The following WTAP variants were observed in gnomAD, a reference collection of about 807,000 sequenced individuals.
WTAP encodes the protein WT1 associated protein.
In WTAP, 8 loss-of-function variants were observed where a neutral mutation model predicts 50.0. That is an observed-to-expected ratio of 0.16 (90% CI 0.09 to 0.29). The LOEUF is 0.29. Ranked by LOEUF, WTAP falls within the 10% of genes least tolerant of loss-of-function variation. The pLI is 1.00. For synonymous variants in WTAP, 194 were observed against 169.0 expected, an observed-to-expected ratio of 1.15 and a Z score of -1.15; for missense variants, 295 against 470.7, an observed-to-expected ratio of 0.63 and a Z score of 3.45.
chr6:159,728,718 AT>A (rs1448373597), intron 1 of WTAP, among the ~76,000 whole-genome samples: 1 of 152,250 alleles, frequency 6.6e-6, no homozygotes, highest in Non-Finnish European at 1.5e-5. Context: ...GTAGCATCTG[AT>A]TAGCCAAGTC....
At chr6:159,740,040 G>A (rs80112645) in intron 3 of WTAP, among the ~76,000 whole-genome samples, 2,853 of 151,866 alleles carry the variant, frequency 0.019, 104 homozygotes, top group African/African-American at 0.065. Flanking sequence ...TATAATAGAG[G>A]TGAGGTGCTG....
intron 4 of WTAP, 59 bp from the exon 5 acceptor site, chr6:159,743,606 C>G: frequency 6.7e-7 from 1 of 1,486,428 alleles, no homozygotes; most frequent in Middle Eastern, 2.5e-4. Flanking sequence ...TTGTTCTTGA[C>G]AGAGGTATTT....
At chr6:159,727,209 G>A, upstream of WTAP, 2 of 1,253,362 alleles carry the variant, frequency 1.6e-6, no homozygotes, top group Non-Finnish European at 2.1e-6. Context: ...GGGAGCAGCT[G>A]CTCCATTGTG....
At position 159,731,840 on chromosome 6, in the gene WTAP, G is replaced by C. The variant is rs567476333; in HGVS notation, c.-9+4137G>C. 1.2e-3 allele frequency among the ~76,000 whole-genome samples: 182 copies of C among 152,274 alleles called. 4 individuals are homozygous for C. The highest frequency in any genetic ancestry group is 7.7e-3 in the South Asian group (37 of 4,826). ...TTGACAACCTGTTTCAGAATACCAA[G>C]GTTATCAGAACTTTCTTCATGTGTT... On this transcript the variant is annotated intron_variant, in intron 1 of 7. Transcript: ENST00000621533.
chr6:159,741,009 A>G (rs1583084801), intron 3 of WTAP, among the ~76,000 whole-genome samples: 1 of 152,080 alleles, frequency 6.6e-6, no homozygotes, highest in African/African-American at 2.4e-5. Flanking sequence ...TTATGTTGTA[A>G]TATTAATAAC....
chr6:159,730,060 T>C (rs1227854200), intron 1 of WTAP, among the ~76,000 whole-genome samples: 1 of 152,212 alleles, frequency 6.6e-6, no homozygotes, highest in Non-Finnish European at 1.5e-5. Context: ...GAAACTTTTA[T>C]GTAATTTTAA....
intron 1 of WTAP, among the ~76,000 whole-genome samples, chr6:159,735,328 A>C (rs544893995): frequency 1.3e-5 from 2 of 152,250 alleles, no homozygotes; most frequent in South Asian, 4.1e-4. Context: ...TTTGGTAGAG[A>C]CCGAGTTTCA....
intron 1 of WTAP, among the ~76,000 whole-genome samples, chr6:159,733,016 G>A (rs1172822199): frequency 1.3e-4 from 19 of 151,900 alleles, no homozygotes; most frequent in African/African-American, 2.4e-5. Flanking sequence ...CATGTGTCAT[G>A]CTAAAATAGA....
At chr6:159,735,905 G>T (rs930571032) in intron 1 of WTAP, among the ~76,000 whole-genome samples, 1 of 152,046 alleles carries the variant, frequency 6.6e-6, no homozygotes, top group Non-Finnish European at 1.5e-5. Flanking sequence ...AGCAACATGC[G>T]TAGGATACTA....
chr6:159,744,888 C>G (rs1441758191), intron 5 of WTAP, among the ~76,000 whole-genome samples: 1 of 152,190 alleles, frequency 6.6e-6, no homozygotes, highest in Non-Finnish European at 1.5e-5. Flanking sequence ...CTATGTTGCC[C>G]AGGCTGGTCT....
chr6:159,738,816 C>A (rs555479321), intron 2 of WTAP, among the ~76,000 whole-genome samples, 174 bp from the exon 3 acceptor site: 9 of 151,142 alleles, frequency 6.0e-5, no homozygotes, highest in Non-Finnish European at 1.0e-4. Context: ...TGTTAAGATA[C>A]CAAATAGTTT....
intron 1 of WTAP, among the ~76,000 whole-genome samples, chr6:159,729,801 T>G (rs1383682563): frequency 3.3e-5 from 5 of 152,236 alleles, no homozygotes; most frequent in African/African-American, 4.8e-5. Context: ...CTATGATTTG[T>G]TCGCCAAGGT....
At chr6:159,726,809 T>G (rs1778189985), upstream of WTAP, 1 of 1,289,058 alleles carries the variant, frequency 7.8e-7, no homozygotes, top group Non-Finnish European at 1.0e-6. Flanking sequence ...GCCTCACGAC[T>G]GATGAGAGGG....
chr6:159,726,709 C>T (rs1778184677), upstream of WTAP: 16 of 1,225,050 alleles, frequency 1.3e-5, no homozygotes, highest in South Asian at 1.7e-4. Context: ...GCCGCGGACA[C>T]AGCGCAACCT....
intron 3 of WTAP, among the ~76,000 whole-genome samples, chr6:159,739,720 A>T (rs2114911554): frequency 6.6e-6 from 1 of 151,204 alleles, no homozygotes; most frequent in South Asian, 2.1e-4. Context: ...GAGAGAAAAG[A>T]TGTTTTGTGA....
In WTAP at chr6:159,729,697, A is replaced by G. The variant is rs145231058; in HGVS notation, c.-9+1994A>G. Among the ~76,000 whole-genome samples the G allele has an allele frequency of 5.7e-3, 868 of 152,332 alleles. 7 individuals are homozygous for G. The highest frequency in any genetic ancestry group is 0.02 in the African/African-American group (827 of 41,576). On this transcript the variant is annotated intron_variant, in intron 1 of 7. Transcript: ENST00000621533. ...AGTTAAAAGACTTGCTTGGAATCAC[A>G]CATGGCAGATAGAGGATAAGGAAAA... is the stretch of plus-strand genomic sequence containing the variant.
At chr6:159,733,252 C>T (rs919243285) in intron 1 of WTAP, among the ~76,000 whole-genome samples, 4 of 152,120 alleles carry the variant, frequency 2.6e-5, no homozygotes, top group Non-Finnish European at 5.9e-5. Flanking sequence ...CTCAGTGAAA[C>T]AGACTGTATA....
chr6:159,736,362 T>TAA, intron 2 of WTAP, 67 bp downstream of exon 2: 1 of 1,172,010 alleles, frequency 8.5e-7, no homozygotes, highest in Non-Finnish European at 1.2e-6. Flanking sequence ...TTAAGCACTT[T>TAA]AAAAAAAAAT....
intron 2 of WTAP, among the ~76,000 whole-genome samples, chr6:159,737,516 C>G (rs1019695096): frequency 2.0e-5 from 3 of 152,030 alleles, no homozygotes; most frequent in African/African-American, 7.3e-5. Flanking sequence ...TTTTCTGAGA[C>G]AGAGTCTCAC....
Sources: allele counts gnomAD v4.1 joint callset (sites outside exome capture counted in the v4.1 genomes callset), GRCh38; gene constraint gnomAD v4.1.1; transcripts MANE v1.5; gene names NCBI Gene and HGNC (gene_info 2026-07-23, HGNC 2026-07-21).